UPP2: variants seen among roughly 807,000 people sequenced by gnomAD.
UPP2 encodes uridine phosphorylase 2.
UPP2 carries 23 observed loss-of-function variants against 26.7 expected under a neutral mutation model. The ratio of observed to expected loss-of-function variants is 0.86; its 90% CI spans 0.62 to 1.22. The LOEUF (loss-of-function observed/expected upper bound fraction) is 1.22, where lower values mean the gene tolerates loss of function less well. Ranked by LOEUF, UPP2 falls within the 50% of genes most tolerant of loss-of-function variation. The probability of loss-of-function intolerance (pLI) is 0.00; values close to 1 mark genes in which losing one functional copy is unlikely to be tolerated. For missense variants in UPP2, 387 were observed against 396.7 expected, an observed-to-expected ratio of 0.98 and a Z score of 0.21; for synonymous variants, 127 against 141.3, an observed-to-expected ratio of 0.90 and a Z score of 0.72.
chr2:158,104,715 G>T (rs1291746283), intron 1 of UPP2, among the ~76,000 whole-genome samples: 1 of 151,856 alleles, frequency 6.6e-6, no homozygotes, highest in Non-Finnish European at 1.5e-5. Flanking sequence ...TGAGGTCAGA[G>T]GTTTGAGACC....
At chr2:157,998,997 A>G (rs779017387) in intron 2 of UPP2, among the ~76,000 whole-genome samples, 1 of 152,050 alleles carries the variant, frequency 6.6e-6, no homozygotes. Context: ...CTGCTCACTG[A>G]AATTCTGTTG....
chr2:158,112,275 C>T (rs971191480), intron 2 of UPP2, among the ~76,000 whole-genome samples: 1 of 152,060 alleles, frequency 6.6e-6, no homozygotes, highest in Admixed American at 6.6e-5. Flanking sequence ...ATCACTAGAA[C>T]AGAACCAAGA....
intron 3 of UPP2, among the ~76,000 whole-genome samples, chr2:158,090,277 C>T (rs1283225874): frequency 6.6e-6 from 1 of 152,172 alleles, no homozygotes; most frequent in East Asian, 1.9e-4. Flanking sequence ...CCGAGGCGGG[C>T]GGATCACGAG....
chr2:158,097,051 T>C (rs1263399683), upstream of UPP2, among the ~76,000 whole-genome samples: 2 of 152,052 alleles, frequency 1.3e-5, no homozygotes, highest in East Asian at 3.9e-4. Context: ...TTGTAATATA[T>C]ATTAAATATT....
intron 3 of UPP2, among the ~76,000 whole-genome samples, chr2:158,045,933 C>T (rs1684147048): frequency 1.3e-5 from 2 of 152,052 alleles, no homozygotes; most frequent in South Asian, 4.2e-4. Flanking sequence ...GCTGTGGAGA[C>T]TAGAGGAGAC....
rs1431246010 is a variant in UPP2 at position 158,134,809 on chromosome 2, T to C, written c.873T>C (p.His291=). 1.2e-6 allele frequency: 2 copies of C among 1,613,804 alleles called. No individual in the cohort carries two copies. Among genetic ancestry groups the C allele is most frequent in the Admixed American group, 1.7e-5 (1 of 59,970 alleles). Residue 291 remains histidine, a synonymous_variant, in exon 7 of 7, where the codon CAT becomes CAC. Transcript: ENST00000005756. ...RLDCDQINLP[H]DVLVEYQQRP... ...ACTGTGATCAGATCAACTTGCCTCA[T>C]GATGTCCTGGTGGAGTACCAGCAAC...
chr2:158,050,549 G>A (rs997623710), intron 3 of UPP2, among the ~76,000 whole-genome samples: 1 of 93,984 alleles, frequency 1.1e-5, no homozygotes, highest in African/African-American at 3.1e-5. Flanking sequence ...TGTAGTCCAA[G>A]CTACTTAGGA....
intron 3 of UPP2, among the ~76,000 whole-genome samples, chr2:158,032,395 A>C (rs1683935864): frequency 2.6e-5 from 4 of 152,108 alleles, no homozygotes; most frequent in Non-Finnish European, 5.9e-5. Flanking sequence ...TGGGGAGTCA[A>C]ACAGGTATAT....
intron 3 of UPP2, among the ~76,000 whole-genome samples, chr2:158,031,656 A>G (rs988684991): frequency 2.6e-5 from 4 of 152,238 alleles, no homozygotes; most frequent in Non-Finnish European, 4.4e-5. Context: ...AGTTGGTAAC[A>G]CATAAAGCTG....
At chr2:158,018,164 T>G (rs1218294384) in intron 3 of UPP2, among the ~76,000 whole-genome samples, 1 of 152,250 alleles carries the variant, frequency 6.6e-6, no homozygotes, top group Non-Finnish European at 1.5e-5. Context: ...TGTGGTGTCA[T>G]AGTAAGCATT....
At chr2:158,067,050 G>T (rs1236550612) in intron 3 of UPP2, among the ~76,000 whole-genome samples, 1 of 152,002 alleles carries the variant, frequency 6.6e-6, no homozygotes, top group Non-Finnish European at 1.5e-5. Flanking sequence ...TTGTTTGAAA[G>T]TGATTTTTTA....
At chr2:158,058,090 G>A (rs1467995332) in intron 3 of UPP2, among the ~76,000 whole-genome samples, 1 of 151,990 alleles carries the variant, frequency 6.6e-6, no homozygotes, top group Non-Finnish European at 1.5e-5. Context: ...TCAGGAGATC[G>A]AGACCATCCT....
At chr2:158,083,810 A>G (rs1682767820) in intron 3 of UPP2, among the ~76,000 whole-genome samples, 1 of 149,392 alleles carries the variant, frequency 6.7e-6, no homozygotes, top group Non-Finnish European at 1.5e-5. Context: ...ATATACATAT[A>G]TATATATACA....
intron 3 of UPP2, among the ~76,000 whole-genome samples, chr2:158,031,411 T>G (rs2105156540): frequency 6.6e-6 from 1 of 152,364 alleles, no homozygotes; most frequent in Non-Finnish European, 1.5e-5. Flanking sequence ...TGTTTCTTCC[T>G]GGTGGTTTTC....
chr2:158,015,221 T>A (rs1683639131), intron 2 of UPP2, among the ~76,000 whole-genome samples: 1 of 152,164 alleles, frequency 6.6e-6, no homozygotes, highest in South Asian at 2.1e-4. Context: ...TCTATACCCA[T>A]TAAACAACAA....
At chr2:158,086,090 T>C (rs1682810201) in intron 3 of UPP2, among the ~76,000 whole-genome samples, 1 of 152,124 alleles carries the variant, frequency 6.6e-6, no homozygotes, top group Admixed American at 6.5e-5. Flanking sequence ...CGAATTCTTC[T>C]TTGAATGTCT....
chr2:158,068,784 ATATATATATATATATATATTTTTTTTT>A (rs1682480874), intron 3 of UPP2, among the ~76,000 whole-genome samples: 2 of 11,216 alleles, frequency 1.8e-4, no homozygotes, highest in South Asian at 5.4e-3. Context: ...ATATATATAT[ATATATATATATATATATATTTTTTTTT>A]TTTTTTTTTT....
intron 3 of UPP2, among the ~76,000 whole-genome samples, chr2:158,077,914 G>C (rs796576070): frequency 3.0e-4 from 45 of 152,048 alleles, no homozygotes; most frequent in African/African-American, 1.1e-3. Flanking sequence ...AATGCATAAA[G>C]AGCTCAAAAC....
chr2:158,117,897 G>A lies in UPP2; in HGVS notation c.413G>A (p.Cys138Tyr). The A allele has an allele frequency of 3.1e-6, 5 of 1,613,038 alleles. No homozygotes were observed. The highest frequency in any genetic ancestry group is 2.2e-5 in the East Asian group (1 of 44,876). The change falls in exon 4 of 7, where the codon TGC becomes TAC. Residue 138 changes from cysteine (C) to tyrosine (Y), a missense_variant. Coordinates refer to ENST00000005756, the MANE Select transcript of UPP2 (RefSeq NM_173355.4). ...LIKLLHHARCCDVTIIRIGTS... is the reference protein window; with the variant it reads ...LIKLLHHARCYDVTIIRIGTS... ...AAATTACTCCACCATGCACGGTGCT[G>A]CGATGTCACCATTATTAGAATCGGT...
Sources: gnomAD v4.1 joint callset for allele counts (sites outside exome capture counted in the v4.1 genomes callset) on GRCh38, gnomAD v4.1.1 for gene constraint, MANE v1.5 for transcripts, NCBI Gene and HGNC (gene_info 2026-07-23, HGNC 2026-07-21) for gene names.